The following TENM3 variants were observed in gnomAD, a reference collection of about 807,000 sequenced individuals.
The protein encoded by TENM3 is teneurin-3.
In TENM3, 63 loss-of-function variants were observed where a neutral mutation model predicts 255.1. That is an observed-to-expected ratio of 0.25 (90% CI 0.20 to 0.30). The LOEUF (loss-of-function observed/expected upper bound fraction) is 0.30, where lower values mean the gene tolerates loss of function less well. Among genes scored for constraint, TENM3 ranks in the 10% least tolerant of loss-of-function variants. TENM3 has a pLI of 1.00. For missense variants in TENM3, 2,929 were observed against 3,461.1 expected, an observed-to-expected ratio of 0.85 and a Z score of 3.86; for synonymous variants, 1,306 against 1,322.3, an observed-to-expected ratio of 0.99 and a Z score of 0.27.
chr4:182,724,704 C>T (rs187684951), intron 13 of TENM3, among the ~76,000 whole-genome samples: 4 of 152,254 alleles, frequency 2.6e-5, no homozygotes, highest in Admixed American at 2.6e-4. Context: ...CATCTATTGC[C>T]TAAGGGAAGA....
chr4:182,091,134 G>A, the TENM3 span, among the ~76,000 whole-genome samples: 291 of 152,274 alleles, frequency 1.9e-3, 1 homozygote, highest in Middle Eastern at 3.4e-3. Flanking sequence ...AGTAGAAAAC[G>A]TAATTCCCTC....
the TENM3 span, among the ~76,000 whole-genome samples, chr4:181,472,965 T>C: frequency 6.6e-6 from 1 of 152,194 alleles, no homozygotes; most frequent in Non-Finnish European, 1.5e-5. Context: ...AAAGTAGAGA[T>C]AGTTTTGGAT....
the TENM3 span, among the ~76,000 whole-genome samples, chr4:182,100,708 C>CACACATATATACACACATATAT: frequency 2.2e-4 from 3 of 13,810 alleles, no homozygotes; most frequent in African/African-American, 3.7e-4. Flanking sequence ...CATATATATA[C>CACACATATATACACACATATAT]ACACATATAT....
At chr4:181,838,095 G>A in the TENM3 span, among the ~76,000 whole-genome samples, 7 of 150,348 alleles carry the variant, frequency 4.7e-5, no homozygotes, top group South Asian at 8.4e-4. Context: ...CAGAGATCGC[G>A]CCACTGCAAC....
At chr4:182,626,077 G>A (rs1050578454) in intron 4 of TENM3, among the ~76,000 whole-genome samples, 2 of 152,234 alleles carry the variant, frequency 1.3e-5, no homozygotes, top group African/African-American at 4.8e-5. Flanking sequence ...CAGAGCCAGA[G>A]TTAAACATGT....
intron 1 of TENM3, among the ~76,000 whole-genome samples, chr4:182,231,225 C>T (rs942957825): frequency 2.0e-5 from 3 of 151,956 alleles, no homozygotes; most frequent in Non-Finnish European, 2.9e-5. Flanking sequence ...TCTGAATGTT[C>T]GAGGGGGTCT....
At chr4:181,980,803 GT>G in the TENM3 span, among the ~76,000 whole-genome samples, 1,160 of 151,970 alleles carry the variant, frequency 7.6e-3, 7 homozygotes, top group Non-Finnish European at 0.012. Flanking sequence ...ACAACATTTG[GT>G]TTTGCTTCTC....
At chr4:182,265,888 GATAAA>G (rs1183802439) in intron 1 of TENM3, among the ~76,000 whole-genome samples, 2 of 152,164 alleles carry the variant, frequency 1.3e-5, no homozygotes, top group Admixed American at 6.5e-5. Context: ...AAAAATTATT[GATAAA>G]ATAAAAACAT....
chr4:182,757,054 T>C (rs1443515548), intron 22 of TENM3, among the ~76,000 whole-genome samples: 1 of 152,108 alleles, frequency 6.6e-6, no homozygotes, highest in Non-Finnish European at 1.5e-5. Flanking sequence ...GGCTCACACC[T>C]GTAATCCCAG....
chr4:182,332,367 A>G (rs1394773457), intron 2 of TENM3, among the ~76,000 whole-genome samples: 1 of 152,180 alleles, frequency 6.6e-6, no homozygotes, highest in Non-Finnish European at 1.5e-5. Flanking sequence ...AGGAACAAAG[A>G]CTAACAAAAT....
chr4:182,106,434 G>A, the TENM3 span, among the ~76,000 whole-genome samples: 2 of 152,328 alleles, frequency 1.3e-5, no homozygotes, highest in Non-Finnish European at 2.9e-5. Flanking sequence ...TCCAGCCTGG[G>A]CGATGGAGCG....
At chr4:182,065,013 C>T in the TENM3 span, among the ~76,000 whole-genome samples, 2 of 149,620 alleles carry the variant, frequency 1.3e-5, no homozygotes, top group Non-Finnish European at 3.0e-5. Context: ...TAAAGAAATA[C>T]CTGAAATAGA....
At chr4:182,356,816 A>G (rs1196659536) in intron 3 of TENM3, among the ~76,000 whole-genome samples, 1 of 151,104 alleles carries the variant, frequency 6.6e-6, no homozygotes, top group African/African-American at 2.4e-5. Flanking sequence ...TGCTGCACCC[A>G]CTAACTCGTC....
At chr4:182,075,187 A>G in the TENM3 span, among the ~76,000 whole-genome samples, 1 of 135,542 alleles carries the variant, frequency 7.4e-6, no homozygotes, top group Admixed American at 7.4e-5. Flanking sequence ...AACAGTGGAC[A>G]CTTGTTTTTT....
chr4:181,768,843 C>T, the TENM3 span, among the ~76,000 whole-genome samples: 2 of 152,090 alleles, frequency 1.3e-5, no homozygotes, highest in Non-Finnish European at 2.9e-5. Context: ...CACATGAAAA[C>T]ATAAAATGTA....
chr4:181,961,261 A>G, the TENM3 span, among the ~76,000 whole-genome samples: 96 of 152,372 alleles, frequency 6.3e-4, no homozygotes, highest in African/African-American at 2.2e-3. Context: ...CCAAACTTCA[A>G]TGATAACATG....
chr4:182,004,242 G>T, the TENM3 span, among the ~76,000 whole-genome samples: 1 of 151,914 alleles, frequency 6.6e-6, no homozygotes, highest in African/African-American at 2.4e-5. Context: ...AACAAGCCCT[G>T]GTGTGTGTTG....
chr4:182,135,296 T>C, the TENM3 span, among the ~76,000 whole-genome samples: 1 of 151,514 alleles, frequency 6.6e-6, no homozygotes, highest in African/African-American at 2.4e-5. Flanking sequence ...GTTAGAAATA[T>C]CTTTCTTTGT....
chr4:182,235,579 G>A (rs866038787), intron 1 of TENM3, among the ~76,000 whole-genome samples: 1 of 151,914 alleles, frequency 6.6e-6, no homozygotes. Flanking sequence ...ATGTACACAC[G>A]GGAGCCATCT....
Sources: allele counts gnomAD v4.1 joint callset (sites outside exome capture counted in the v4.1 genomes callset), GRCh38; gene constraint gnomAD v4.1.1; transcripts MANE v1.5; gene names NCBI Gene and HGNC (gene_info 2026-07-23, HGNC 2026-07-21).